CCSER1: variants seen among roughly 807,000 people sequenced by gnomAD.
CCSER1 encodes serine-rich coiled-coil domain-containing protein 1.
In CCSER1, 41 loss-of-function variants were observed where a neutral mutation model predicts 82.0. The observed-to-expected ratio is 0.50, with a 90% CI of 0.39 to 0.65. The LOEUF (loss-of-function observed/expected upper bound fraction) is 0.65, where lower values mean the gene tolerates loss of function less well. Ranked by LOEUF, CCSER1 falls within the 30% of genes least tolerant of loss-of-function variation. CCSER1 has a pLI of 0.00. For missense variants in CCSER1, 1,119 were observed against 1,064.2 expected (o/e 1.05, Z -0.72); for synonymous variants, 414 against 383.9 (o/e 1.08, Z -0.92).
intron 6 of CCSER1, among the ~76,000 whole-genome samples, chr4:90,635,738 T>A (rs944941852): frequency 6.6e-6 from 1 of 151,832 alleles, no homozygotes; most frequent in Non-Finnish European, 1.5e-5. Context: ...TTTATAATAA[T>A]TTGTTATATT....
chr4:90,691,336 G>A (rs1735789584), intron 6 of CCSER1, among the ~76,000 whole-genome samples: 1 of 151,790 alleles, frequency 6.6e-6, no homozygotes, highest in African/African-American at 2.4e-5. Context: ...TATTCCTAAA[G>A]CTAACACAGC....
At chr4:91,168,307 G>T (rs529827539) in intron 10 of CCSER1, among the ~76,000 whole-genome samples, 2 of 147,266 alleles carry the variant, frequency 1.4e-5, no homozygotes, top group African/African-American at 5.0e-5. Context: ...TCTGGGATGT[G>T]AGGAGCGCCT....
At chr4:91,411,501 T>C (rs1461839383) in intron 10 of CCSER1, among the ~76,000 whole-genome samples, 1 of 62,462 alleles carries the variant, frequency 1.6e-5, no homozygotes, top group African/African-American at 5.5e-5. Flanking sequence ...CATATATATA[T>C]ATATATATAT....
intron 4 of CCSER1, among the ~76,000 whole-genome samples, chr4:90,430,066 C>G (rs1266748875): frequency 3.3e-5 from 5 of 151,720 alleles, no homozygotes; most frequent in Non-Finnish European, 7.4e-5. Flanking sequence ...TAACTCTACT[C>G]TCCAGTGAAG....
intron 9 of CCSER1, among the ~76,000 whole-genome samples, chr4:91,072,386 A>C (rs896499126): frequency 2.0e-5 from 3 of 152,104 alleles, no homozygotes; most frequent in Admixed American, 2.0e-4. Context: ...TCATTTACTT[A>C]ACTTTTTTTC....
At chr4:90,711,527 G>A (rs1009064392) in intron 6 of CCSER1, among the ~76,000 whole-genome samples, 4 of 152,026 alleles carry the variant, frequency 2.6e-5, no homozygotes, top group East Asian at 1.9e-4. Flanking sequence ...TTTATTAAGA[G>A]TTTTTAAACA....
intron 7 of CCSER1, among the ~76,000 whole-genome samples, chr4:90,803,902 T>C (rs562679943): frequency 5.3e-5 from 8 of 152,336 alleles, no homozygotes; most frequent in African/African-American, 1.9e-4. Context: ...ATGATCACCA[T>C]TCTAACTGGC....
At chr4:90,944,094 C>A (rs1731938688) in intron 9 of CCSER1, among the ~76,000 whole-genome samples, 1 of 151,468 alleles carries the variant, frequency 6.6e-6, no homozygotes, top group Non-Finnish European at 1.5e-5. Flanking sequence ...ATGAGCTGGG[C>A]GAGCGGCTTG....
In CCSER1 at chr4:91,571,934, G is replaced by A. The variant is rs1699345238; in HGVS notation, c.2218-26638G>A. 2.0e-5 allele frequency among the ~76,000 whole-genome samples: 3 copies of A among 152,226 alleles called. No individual in the cohort carries two copies. The South Asian group carries it at 6.2e-4, about 32-fold the overall frequency. ...TTGGGTCTACTGCAACTTGTTGGAG[G>A]TATAGATAGACATTTAGGATCATTT... On this transcript the variant is annotated intron_variant, in intron 10 of 10. Transcript: ENST00000509176.
intron 1 of CCSER1, among the ~76,000 whole-genome samples, chr4:90,187,722 A>G (rs969949341): frequency 6.6e-6 from 1 of 151,924 alleles, no homozygotes; most frequent in East Asian, 1.9e-4. Context: ...GCTTTGAGGG[A>G]GAGAATGATA....
chr4:90,906,596 C>T (rs577073505), intron 8 of CCSER1, among the ~76,000 whole-genome samples: 1 of 152,160 alleles, frequency 6.6e-6, no homozygotes, highest in South Asian at 2.1e-4. Context: ...TCCTAAAAAA[C>T]CGAATATTTT....
chr4:91,423,895 G>C (rs1753818824), intron 10 of CCSER1, among the ~76,000 whole-genome samples: 1 of 149,158 alleles, frequency 6.7e-6, no homozygotes, highest in Admixed American at 6.7e-5. Context: ...AAGAGAATGA[G>C]TTATGATCTG....
At chr4:90,590,937 A>C (rs1035553612) in intron 5 of CCSER1, among the ~76,000 whole-genome samples, 1 of 152,184 alleles carries the variant, frequency 6.6e-6, no homozygotes, top group Non-Finnish European at 1.5e-5. Context: ...TCAGCGTGGA[A>C]CTATTTTCCA....
At chr4:90,747,114 TA>T (rs920567484) in intron 7 of CCSER1, among the ~76,000 whole-genome samples, 1 of 151,280 alleles carries the variant, frequency 6.6e-6, no homozygotes, top group South Asian at 2.1e-4. Context: ...AGACAGAAAA[TA>T]AAAAAAGAAA....
At chr4:90,830,795 C>T (rs1283214969) in intron 8 of CCSER1, among the ~76,000 whole-genome samples, 1 of 152,064 alleles carries the variant, frequency 6.6e-6, no homozygotes, top group Non-Finnish European at 1.5e-5. Context: ...TGTCCTTGGA[C>T]TATGAACAAA....
At chr4:91,453,068 A>C (rs1197161332) in intron 10 of CCSER1, among the ~76,000 whole-genome samples, 1 of 151,988 alleles carries the variant, frequency 6.6e-6, no homozygotes, top group Non-Finnish European at 1.5e-5. Flanking sequence ...CAAATTGTCT[A>C]ATTTATTTAA....
intron 1 of CCSER1, among the ~76,000 whole-genome samples, chr4:90,248,721 G>A (rs964534087): frequency 5.4e-5 from 8 of 148,338 alleles, no homozygotes; most frequent in African/African-American, 1.8e-4. Context: ...TTTTTGAGAC[G>A]GTTTCTCACT....
At chr4:90,739,625 A>C (rs1022740845) in intron 7 of CCSER1, among the ~76,000 whole-genome samples, 1 of 152,200 alleles carries the variant, frequency 6.6e-6, no homozygotes, top group African/African-American at 2.4e-5. Context: ...GCTTACTGGA[A>C]TTCAGGTTCC....
rs559831879 is a variant in CCSER1 at position 90,469,548 on chromosome 4, C to T, written c.1724+1194C>T. ...AAACACACACACACACACACACACA[C>T]ACACACACACACACACACATTTCCT... On this transcript the variant is annotated intron_variant, in intron 5 of 10. Transcript: ENST00000509176. Among the ~76,000 whole-genome samples, 5 of 151,600 alleles carry T rather than the reference C, an allele frequency of 3.3e-5. 1 individual carries two copies. In the South Asian group the frequency reaches 1.0e-3, roughly 32 times the overall value.
Sources: gnomAD v4.1 joint callset for allele counts (sites outside exome capture counted in the v4.1 genomes callset) on GRCh38, gnomAD v4.1.1 for gene constraint, MANE v1.5 for transcripts, NCBI Gene and HGNC (gene_info 2026-07-23, HGNC 2026-07-21) for gene names.